Variants in PDE3A observed in about 807,000 individuals in gnomAD.
PDE3A encodes the protein phosphodiesterase 3A.
Under a neutral mutation model 98.3 loss-of-function variants are expected in PDE3A, and 43 were observed. The ratio of observed to expected loss-of-function variants is 0.44; its 90% CI spans 0.34 to 0.56. PDE3A has a LOEUF of 0.56. Among genes scored for constraint, PDE3A ranks in the 20% least tolerant of loss-of-function variants. PDE3A has a pLI of 0.01. For synonymous variants in PDE3A, 663 were observed against 567.9 expected (o/e 1.17, Z -2.38); for missense variants, 1,427 against 1,440.7 (o/e 0.99, Z 0.15).
At chr12:20,448,390 G>A (rs1450164465) in intron 1 of PDE3A, among the ~76,000 whole-genome samples, 8 of 152,130 alleles carry the variant, frequency 5.3e-5, no homozygotes, top group African/African-American at 1.9e-4. Flanking sequence ...GCTGTGAGCC[G>A]AGGTCGCGTC....
At position 20,596,561 on chromosome 12, in the gene PDE3A, G is replaced by A. The variant is rs138272164; in HGVS notation, c.1012-16882G>A. Among the ~76,000 whole-genome samples, 5 of 152,280 alleles carry A rather than the reference G, an allele frequency of 3.3e-5. No individual in the cohort carries two copies. The East Asian group carries it at 9.7e-4, about 29-fold the overall frequency. Reference sequence around the variant, plus strand: ...CATTACCACCTAAGAGGAAAATGAAGACGGATGCCTTCCTTTTAGCAATAG... The same window carrying A: ...CATTACCACCTAAGAGGAAAATGAAAACGGATGCCTTCCTTTTAGCAATAG... On this transcript the variant is annotated intron_variant, in intron 2 of 15. Coordinates refer to ENST00000359062, the MANE Select transcript of PDE3A (RefSeq NM_000921.5).
In PDE3A at chr12:20,613,588, C is replaced by A. The variant is rs747060627; in HGVS notation, c.1157C>A (p.Thr386Asn). 19 of 1,614,006 alleles carry A rather than the reference C, an allele frequency of 1.2e-5. No individual in the cohort carries two copies. The East Asian group carries it at 3.8e-4, about 32-fold the overall frequency. ...AVSNLLSTQL[T>N]FQAIHKPRVN... ...AGCAACTTGCTCAGCACACAGCTCA[C>A]CTTCCAGGCCATTCACAAGCCCAGA... The change falls in exon 3 of 16, where the codon ACC becomes AAC. Residue 386 changes from threonine to asparagine, a missense_variant. Physicochemically the swap from Thr to Asn is moderately conservative, Grantham distance 65. Around this residue, in one of 3 missense-constraint regions of PDE3A, gnomAD observed 1,012 missense variants for 886.5 expected, o/e 1.14. Transcript: ENST00000359062.
intron 1 of PDE3A, among the ~76,000 whole-genome samples, chr12:20,548,244 A>C (rs1250991150): frequency 1.3e-5 from 2 of 152,112 alleles, no homozygotes; most frequent in Non-Finnish European, 2.9e-5. Flanking sequence ...GAAGAGAAGA[A>C]ACATTCTCTT....
chr12:20,532,393 T>C (rs2121190799), intron 1 of PDE3A, among the ~76,000 whole-genome samples: 1 of 152,310 alleles, frequency 6.6e-6, no homozygotes, highest in South Asian at 2.1e-4. Context: ...TGTTAACTTA[T>C]TTATGTAATG....
chr12:20,663,066 C>G (rs540357765), intron 15 of PDE3A, among the ~76,000 whole-genome samples: 5 of 152,324 alleles, frequency 3.3e-5, no homozygotes, highest in African/African-American at 1.2e-4. Context: ...CAATGTACAG[C>G]TCAGGTTGTG....
At chr12:20,388,970 G>A (rs2120596161) in intron 1 of PDE3A, among the ~76,000 whole-genome samples, 1 of 152,078 alleles carries the variant, frequency 6.6e-6, no homozygotes, top group African/African-American at 2.4e-5. Context: ...AAATAAATTT[G>A]AGAATATTAA....
intron 4 of PDE3A, among the ~76,000 whole-genome samples, chr12:20,620,682 T>G (rs562843086): frequency 1.3e-5 from 2 of 152,200 alleles, no homozygotes; most frequent in South Asian, 2.1e-4. Flanking sequence ...TAGAGGAAGA[T>G]TCTCCATTGC....
intron 1 of PDE3A, among the ~76,000 whole-genome samples, chr12:20,370,940 T>A (rs1943462138): frequency 6.6e-6 from 1 of 152,224 alleles, no homozygotes; most frequent in Non-Finnish European, 1.5e-5. Flanking sequence ...ACTTTGGAAT[T>A]GTTCAAAATT....
In PDE3A at chr12:20,684,010, T is replaced by C. The variant is rs1422145954; in HGVS notation, c.*3739T>C. 3 of 152,144 alleles carry C rather than the reference T, an allele frequency of 2.0e-5. No homozygotes were observed. Among genetic ancestry groups the C allele is most frequent in the Non-Finnish European group, 4.4e-5 (3 of 68,010 alleles). 9.4% of individuals were successfully genotyped at this position (152,144 alleles called of 1,614,324 possible). On this transcript the variant is annotated 3_prime_UTR_variant, in exon 16 of 16. Coordinates refer to ENST00000359062, the MANE Select transcript of PDE3A (RefSeq NM_000921.5). Reference sequence around the variant, plus strand: ...AAGGCATGAGACTCAGGCCTACTCTTTGTTTAAATGATGGAAAAATATAAA... The same window carrying C: ...AAGGCATGAGACTCAGGCCTACTCTCTGTTTAAATGATGGAAAAATATAAA...
At chr12:20,481,847 C>T (rs1565563122) in intron 1 of PDE3A, among the ~76,000 whole-genome samples, 2 of 142,466 alleles carry the variant, frequency 1.4e-5, no homozygotes, top group African/African-American at 5.2e-5. Flanking sequence ...TCACTGCAAG[C>T]TCCGCCTCCC....
At chr12:20,484,817 A>G (rs1303707432) in intron 1 of PDE3A, among the ~76,000 whole-genome samples, 2 of 152,170 alleles carry the variant, frequency 1.3e-5, no homozygotes, top group African/African-American at 4.8e-5. Flanking sequence ...TAGAAAGGCC[A>G]GTTGTAATTC....
chr12:20,624,811 T>C (rs1443131344), intron 5 of PDE3A, among the ~76,000 whole-genome samples: 1 of 152,194 alleles, frequency 6.6e-6, no homozygotes, highest in East Asian at 1.9e-4. Context: ...AAATCCTTGC[T>C]TCCCTGTTTG....
Position 20,684,556 on chromosome 12 carries a change from C to A in PDE3A, c.*4285C>A, listed in dbSNP as rs912072519. ...AATATCTATGTACTTTGAAGCCAAA[C>A]TGAGTTTATTTCATTGATCGAACAA... On this transcript the variant is annotated 3_prime_UTR_variant, in exon 16 of 16. Coordinates refer to ENST00000359062, the MANE Select transcript of PDE3A (RefSeq NM_000921.5). Among the ~76,000 whole-genome samples, 2 of 152,152 alleles carry A rather than the reference C, an allele frequency of 1.3e-5. No individual in the cohort carries two copies. Among genetic ancestry groups the A allele is most frequent in the Non-Finnish European group, 2.9e-5 (2 of 68,020 alleles).
chr12:20,378,152 T>C (rs1943604060), intron 1 of PDE3A, among the ~76,000 whole-genome samples: 1 of 151,716 alleles, frequency 6.6e-6, no homozygotes, highest in Non-Finnish European at 1.5e-5. Flanking sequence ...ATTGGAGATT[T>C]TGATAGTGTG....
At chr12:20,596,985 G>C (rs553159892) in intron 2 of PDE3A, among the ~76,000 whole-genome samples, 27 of 152,206 alleles carry the variant, frequency 1.8e-4, no homozygotes, top group Non-Finnish European at 3.4e-4. Flanking sequence ...AATAGCGTAG[G>C]GCTTCGGATC....
chr12:20,414,493 A>G (rs74065078), intron 1 of PDE3A, among the ~76,000 whole-genome samples: 101 of 152,348 alleles, frequency 6.6e-4, no homozygotes, highest in African/African-American at 2.4e-3. Context: ...AGGTTTTGAA[A>G]AATACAATTC....
intron 1 of PDE3A, among the ~76,000 whole-genome samples, chr12:20,416,093 T>A (rs58810783): frequency 0.036 from 5,531 of 152,330 alleles, 351 homozygotes; most frequent in African/African-American, 0.13. Context: ...TCAAGGTTAT[T>A]AATTCTAAGA....
intron 1 of PDE3A, among the ~76,000 whole-genome samples, chr12:20,534,199 G>C (rs904654747): frequency 6.6e-6 from 1 of 152,080 alleles, no homozygotes; most frequent in Non-Finnish European, 1.5e-5. Context: ...TTTCCCTCTA[G>C]AGAATGAGAG....
chr12:20,521,755 A>G (rs1177374238), intron 1 of PDE3A, among the ~76,000 whole-genome samples: 1 of 152,142 alleles, frequency 6.6e-6, no homozygotes, highest in Non-Finnish European at 1.5e-5. Context: ...CAAGAGGCTG[A>G]AGAAGAGACC....
Sources: gnomAD v4.1 joint callset for allele counts (sites outside exome capture counted in the v4.1 genomes callset) on GRCh38, gnomAD v4.1.1 for gene constraint, gnomAD v4.1.1 regional missense constraint, MANE v1.5 for transcripts, NCBI Gene and HGNC (gene_info 2026-07-23, HGNC 2026-07-21) for gene names.